RAPGEF5: variants seen among roughly 807,000 people sequenced by gnomAD.
The protein encoded by RAPGEF5 is M-Ras-regulated GEF.
A neutral mutation model predicts 125.2 loss-of-function variants in RAPGEF5; 65 were observed. The ratio of observed to expected loss-of-function variants is 0.52; its 90% CI spans 0.43 to 0.64. RAPGEF5 has a LOEUF of 0.64. RAPGEF5 is among the 30% of genes least tolerant of loss of function. The pLI is 0.00. For synonymous variants in RAPGEF5, 391 were observed against 385.9 expected (o/e 1.01, Z -0.16); for missense variants, 958 against 1,048.1 (o/e 0.91, Z 1.19).
At chr7:22,297,285 A>G (rs945219388) in intron 5 of RAPGEF5, among the ~76,000 whole-genome samples, 1 of 152,214 alleles carries the variant, frequency 6.6e-6, no homozygotes, top group African/African-American at 2.4e-5. Flanking sequence ...CTGACCTTAA[A>G]TAAGAATGTG....
intron 15 of RAPGEF5, 146 bp downstream of exon 15, chr7:22,157,709 C>T (rs139212739): frequency 7.3e-5 from 61 of 834,806 alleles, no homozygotes; most frequent in African/African-American, 4.0e-4. Context: ...AGCAGGAAAG[C>T]GCAGGGAAGC....
chr7:22,345,206 GC>G (rs1784199840), intron 1 of RAPGEF5, among the ~76,000 whole-genome samples: 1 of 152,302 alleles, frequency 6.6e-6, no homozygotes, highest in Non-Finnish European at 1.5e-5. Flanking sequence ...GGACTGAGAA[GC>G]CCAGCCTAAG....
chr7:22,315,281 C>T, intron 3 of RAPGEF5, 89 bp downstream of exon 3: 4 of 1,437,474 alleles, frequency 2.8e-6, no homozygotes, highest in Non-Finnish European at 3.7e-6. Flanking sequence ...TATTGTCCAC[C>T]TCTCTTTGAT....
intron 6 of RAPGEF5, among the ~76,000 whole-genome samples, chr7:22,271,255 T>C (rs573629083): frequency 3.9e-5 from 6 of 152,334 alleles, no homozygotes; most frequent in Admixed American, 3.3e-4. Flanking sequence ...GTGTGCATTG[T>C]TGTTTCCAAG....
Position 22,166,931 on chromosome 7 carries a change from T to G in RAPGEF5, c.1283+139A>C, listed in dbSNP as rs1784185767. On this transcript the variant is annotated intron_variant, in intron 12 of 25. Coordinates refer to ENST00000665637, the MANE Select transcript of RAPGEF5 (RefSeq NM_012294.5). ...GTCTGTCTCATTTCATCTTCTACCT[T>G]GGATATCATTACATTAATATTTAAC... 4.4e-6 allele frequency: 3 copies of G among 684,714 alleles called. No individual in the cohort carries two copies. The South Asian group carries it at 6.0e-5, about 14-fold the overall frequency. 42.4% of individuals were successfully genotyped at this position (684,714 alleles called of 1,614,324 possible). A position where few individuals can be genotyped will look rare whatever the true frequency, so the allele number is the denominator to read the frequency against.
Position 22,301,871 on chromosome 7 carries a change from C to CT in RAPGEF5, c.680+6467dup, listed in dbSNP as rs1783214372. Among the ~76,000 whole-genome samples, 3 of 152,192 alleles carry CT rather than the reference C, an allele frequency of 2.0e-5. No individual in the cohort carries two copies. In the East Asian group the frequency reaches 5.8e-4, roughly 29 times the overall value. ...AATAATTTTGGTTTTTTTCCCACAG[C>CT]TTCAGAACCTTTGTGATAAGCTCCC... is the stretch of plus-strand genomic sequence containing the variant. On this transcript the variant is annotated intron_variant, in intron 5 of 25. Transcript: ENST00000665637.
At chr7:22,344,475 C>T (rs986677257) in intron 1 of RAPGEF5, among the ~76,000 whole-genome samples, 5 of 152,084 alleles carry the variant, frequency 3.3e-5, no homozygotes, top group Admixed American at 3.3e-4. Flanking sequence ...GAGGGACTGC[C>T]CAGGGTCAGC....
Position 22,288,811 on chromosome 7 carries a change from C to T in RAPGEF5, c.747+2364G>A, listed in dbSNP as rs550712903. The stretch of plus-strand genomic sequence containing the variant: ...ATCTTTCTTTTGGTTCCCACAAAAA[C>T]CACCATAAACTAGGTTTTCAACAGC... On this transcript the variant is annotated intron_variant, in intron 6 of 25. Transcript: ENST00000665637. 4.6e-5 allele frequency among the ~76,000 whole-genome samples: 7 copies of T among 152,328 alleles called. No homozygotes were observed. In the South Asian group the frequency reaches 1.4e-3, roughly 32 times the overall value.
intron 11 of RAPGEF5, among the ~76,000 whole-genome samples, chr7:22,173,137 C>T (rs1308677663): frequency 1.3e-5 from 2 of 152,084 alleles, no homozygotes; most frequent in African/African-American, 4.8e-5. Context: ...ATGAAAGGGC[C>T]CATTTCTGGT....
At chr7:22,295,886 A>G (rs144094264) in intron 5 of RAPGEF5, among the ~76,000 whole-genome samples, 1 of 152,276 alleles carries the variant, frequency 6.6e-6, no homozygotes, top group African/African-American at 2.4e-5. Context: ...GGAATAGCAG[A>G]CTTGAACTTA....
rs192611259 is a variant in RAPGEF5, at chr7:22,275,367, T to A, written c.748-8355A>T. On this transcript the variant is annotated intron_variant, in intron 6 of 25. Transcript: ENST00000665637. ...CCTGGCACCATTCCTGGTACATACG[T>A]TTGTGATCAAGAACACAAGTAAAAT... 2.6e-5 allele frequency among the ~76,000 whole-genome samples: 4 copies of A among 152,326 alleles called. No homozygotes were observed. In the East Asian group the frequency reaches 7.7e-4, roughly 29 times the overall value.
At chr7:22,158,591 T>G (rs6960745) in intron 14 of RAPGEF5, among the ~76,000 whole-genome samples, 19,116 of 152,248 alleles carry the variant, frequency 0.13, 1,261 homozygotes, top group South Asian at 0.16. Flanking sequence ...TACTCTAGAA[T>G]CTAAAGCTAT....
chr7:22,356,248 C>G (rs1032708987), intron 1 of RAPGEF5: 99 of 985,268 alleles, frequency 1.0e-4, no homozygotes, highest in Non-Finnish European at 1.1e-4. Flanking sequence ...GGGCGTGCAC[C>G]CTCCTGCTCA....
Position 22,156,857 on chromosome 7 carries a change from T to C in RAPGEF5, c.1589A>G (p.Lys530Arg). The change falls in exon 16 of 26, where the codon AAG (lysine) becomes AGG (arginine). Residue 530 changes from lysine to arginine, a missense_variant. Lys to Arg is a conservative substitution (Grantham distance 26, BLOSUM62 2). Transcript: ENST00000665637. ...NKALFHQFSL[K>R]ENWLQHRGTV... ...TCCTCTATGCTGGAGCCAGTTCTCC[T>C]TAAGACTGAATTGGTGGAAAAGGGC... 1 of 1,613,978 alleles carries C rather than the reference T, an allele frequency of 6.2e-7. No individual in the cohort carries two copies. The highest frequency in any genetic ancestry group is 8.5e-7 in the Non-Finnish European group (1 of 1,179,862).
chr7:22,235,496 A>G (rs1172837043), intron 7 of RAPGEF5, among the ~76,000 whole-genome samples: 1 of 152,236 alleles, frequency 6.6e-6, no homozygotes, highest in African/African-American at 2.4e-5. Flanking sequence ...AATGAAATAG[A>G]ACAGAATATC....
chr7:22,264,813 A>G (rs1452729683), intron 7 of RAPGEF5, among the ~76,000 whole-genome samples: 2 of 152,080 alleles, frequency 1.3e-5, no homozygotes, highest in African/African-American at 4.8e-5. Flanking sequence ...CAACTTTTTT[A>G]TTACTTCTCT....
At chr7:22,337,666 T>C (rs1038704023) in intron 1 of RAPGEF5, among the ~76,000 whole-genome samples, 3 of 151,624 alleles carry the variant, frequency 2.0e-5, no homozygotes, top group African/African-American at 7.3e-5. Context: ...CAAGGCAAGA[T>C]AGAGTTGGTT....
chr7:22,345,706 T>C (rs4449699), intron 1 of RAPGEF5, among the ~76,000 whole-genome samples: 1 of 147,268 alleles, frequency 6.8e-6, no homozygotes, highest in Non-Finnish European at 1.5e-5. Context: ...CTTTTTTTTT[T>C]TTTTTTTTTT....
At chr7:22,186,532 T>C (rs530856347) in intron 11 of RAPGEF5, among the ~76,000 whole-genome samples, 4 of 152,232 alleles carry the variant, frequency 2.6e-5, no homozygotes, top group Non-Finnish European at 5.9e-5. Context: ...TCCTACTTAT[T>C]TTATTGTCTG....
Sources: allele counts gnomAD v4.1 joint callset (sites outside exome capture counted in the v4.1 genomes callset), GRCh38; gene constraint gnomAD v4.1.1; transcripts MANE v1.5; gene names NCBI Gene and HGNC (gene_info 2026-07-23, HGNC 2026-07-21).